The following NARS1 variants were observed in gnomAD, a reference collection of about 807,000 sequenced individuals.
NARS1 encodes asparaginyl-tRNA synthetase 1, also known as asparagine--tRNA ligase, cytoplasmic.
NARS1 carries 65 observed loss-of-function variants against 79.2 expected under a neutral mutation model. The observed-to-expected ratio is 0.82, with a 90% confidence interval of 0.67 to 1.01. The LOEUF (loss-of-function observed/expected upper bound fraction) is 1.01. NARS1 is among the 50% of genes least tolerant of loss of function. NARS1 has a pLI of 0.00. For synonymous variants in NARS1, 229 were observed against 238.8 expected (o/e 0.96, Z 0.38); for missense variants, 649 against 673.8 (o/e 0.96, Z 0.41).
Position 57,601,707 on chromosome 18 carries a change from T to C in NARS1, c.1592A>G (p.Tyr531Cys), listed in dbSNP as rs754131928. 2 of 1,613,886 alleles carry C rather than the reference T, an allele frequency of 1.2e-6. No homozygotes were observed. Among genetic ancestry groups the C allele is most frequent in the Non-Finnish European group, 1.7e-6 (2 of 1,179,728 alleles). Reference protein sequence around the residue: ...ERFLTWILNRYHIRDVCLYPR... With the variant: ...ERFLTWILNRCHIRDVCLYPR... ...GTATAAGCACACGTCTCGGATGTGA[T>C]ACCTATTCAGAATCCACGTTAAGAA... Residue 531 changes from tyrosine to cysteine, a missense_variant, in exon 14 of 14, where the codon TAT (tyrosine) becomes TGT (cysteine). Coordinates refer to ENST00000256854, the MANE Select transcript of NARS1 (RefSeq NM_004539.4).
At chr18:57,609,623 A>G (rs1336348204) in intron 6 of NARS1, among the ~76,000 whole-genome samples, 180 bp from the exon 7 acceptor site, 7 of 152,272 alleles carry the variant, frequency 4.6e-5, no homozygotes, top group Non-Finnish European at 1.0e-4. Flanking sequence ...ACAGAGGTTT[A>G]TCTATATATA....
At position 57,603,214 on chromosome 18, in the gene NARS1, A is replaced by C. The variant is rs317831; in HGVS notation, c.1252-271T>G. ...ACCATGCTGTTTGATGAAGGAAAAT[A>C]AAAAAAAAAACAAAAACAAAAGCCA... On this transcript the variant is annotated intron_variant, in intron 11 of 13. Coordinates refer to ENST00000256854, the MANE Select transcript of NARS1 (RefSeq NM_004539.4). Among the ~76,000 whole-genome samples the C allele has an allele frequency of 0.38, 55,617 of 146,204 alleles. 10,816 individuals carry two copies. The highest frequency in any genetic ancestry group is 0.65 in the East Asian group (3,334 of 5,092).
chr18:57,620,786 C>T (rs1351105437), intron 1 of NARS1, 135 bp from the exon 2 acceptor site: 6 of 494,168 alleles, frequency 1.2e-5, no homozygotes, highest in Non-Finnish European at 1.4e-5. Flanking sequence ...TAATTAATAT[C>T]CTAGTTATTT....
At position 57,601,446 on chromosome 18, in the gene NARS1, G is replaced by GA. The variant is rs2051504986; in HGVS notation, c.*205dup. ...CCCGAACTTTGTTTCCCGAACTTAAGAAAAAAATGGATATTTTTTCTTAAG... is the reference window on the plus strand; with the variant it reads ...CCCGAACTTTGTTTCCCGAACTTAAGAAAAAAAATGGATATTTTTTCTTAAG... On this transcript the variant is annotated 3_prime_UTR_variant, in exon 14 of 14. Coordinates refer to ENST00000256854, the MANE Select transcript of NARS1 (RefSeq NM_004539.4). 1 of 449,442 alleles carries GA rather than the reference G, an allele frequency of 2.2e-6. No individual in the cohort carries two copies. Among genetic ancestry groups the GA allele is most frequent in the Admixed American group, 4.0e-5 (1 of 25,134 alleles). 27.8% of individuals were successfully genotyped at this position (449,442 alleles called of 1,614,324 possible).
intron 11 of NARS1, among the ~76,000 whole-genome samples, chr18:57,604,438 G>A (rs771006754): frequency 1.3e-5 from 2 of 151,662 alleles, no homozygotes; most frequent in Non-Finnish European, 2.9e-5. Context: ...AAACAAGAGT[G>A]CTTTACATAG....
chr18:57,613,639 TA>T lies in NARS1; in HGVS notation c.383del (p.Val128GlufsTer17). ...GCCTGTGGACCCAGCCAAACACCTT[TA>T]CTCTTTGGCCTCTATATCCTTCTAA... ...GALEGYRGQR[V>X]KVFGWVHRLR... is the part of the protein sequence containing the mutation. On this transcript the variant is annotated frameshift_variant, in exon 5 of 14. Coordinates refer to ENST00000256854, the MANE Select transcript of NARS1 (RefSeq NM_004539.4). LOFTEE classifies it high-confidence loss of function. The T allele has an allele frequency of 6.2e-7, 1 of 1,614,188 alleles. No homozygotes were observed. Among genetic ancestry groups the T allele is most frequent in the South Asian group, 1.1e-5 (1 of 91,086 alleles).
chr18:57,606,790 T>C (rs1210404851), intron 9 of NARS1, 39 bp from the exon 10 acceptor site: 1 of 1,609,498 alleles, frequency 6.2e-7, no homozygotes, highest in Non-Finnish European at 8.5e-7. Flanking sequence ...GCTTTTCTCC[T>C]GCACTGGTTT....
intron 1 of NARS1, among the ~76,000 whole-genome samples, chr18:57,620,869 G>T (rs1908271101): frequency 6.6e-6 from 1 of 152,112 alleles, no homozygotes; most frequent in Non-Finnish European, 1.5e-5. Flanking sequence ...AATGAACTCT[G>T]ATCATTTTAA....
In NARS1 at chr18:57,613,669, A is replaced by G. The variant is rs541321157; in HGVS notation, c.354T>C (p.Gly118=). 6 of 1,613,712 alleles carry G rather than the reference A, an allele frequency of 3.7e-6. No homozygotes were observed. The African/African-American group carries it at 8.0e-5, about 22-fold the overall frequency. Residue 118 remains glycine, a synonymous_variant, in exon 5 of 14, where the codon GGT becomes GGC. Coordinates refer to ENST00000256854, the MANE Select transcript of NARS1 (RefSeq NM_004539.4). ...TTTGGCCTCTATATCCTTCTAACGCACCAATCTTCACCTGTCAAATTGAAA... is the reference window on the plus strand; with the variant it reads ...TTTGGCCTCTATATCCTTCTAACGCGCCAATCTTCACCTGTCAAATTGAAA... ...SLPEPKCVKI[G]ALEGYRGQRV...
In NARS1 at chr18:57,609,355, A is replaced by G. The variant is rs749706983; in HGVS notation, c.579+2T>C. On this transcript the variant is annotated splice_donor_variant, in intron 7 of 13. Transcript: ENST00000256854. LOFTEE classifies it high-confidence loss of function. ...ACCCAGTGCGAAACTCAATCCACTC[A>G]CCTGCTTGCCCTTTGGGGTAAGATT... 6.2e-7 allele frequency: 1 copy of G among 1,611,346 alleles called. No homozygotes were observed. The highest frequency in any genetic ancestry group is 1.1e-5 in the South Asian group (1 of 90,836).
At chr18:57,610,165 C>T (rs975645876) in intron 6 of NARS1, among the ~76,000 whole-genome samples, 3 of 152,162 alleles carry the variant, frequency 2.0e-5, no homozygotes, top group African/African-American at 7.2e-5. Context: ...AACACCTGAA[C>T]CCACTAGTCA....
intron 2 of NARS1, among the ~76,000 whole-genome samples, chr18:57,618,757 C>T (rs79392992): frequency 0.096 from 14,633 of 151,922 alleles, 830 homozygotes; most frequent in Non-Finnish European, 0.13. Context: ...AACAAATTAA[C>T]CGCGTGTGGT....
intron 11 of NARS1, among the ~76,000 whole-genome samples, chr18:57,605,597 C>T (rs1004477280): frequency 1.5e-5 from 2 of 129,456 alleles, no homozygotes; most frequent in Non-Finnish European, 3.1e-5. Flanking sequence ...GGCGACAGAG[C>T]GAGACTCCGT....
intron 5 of NARS1, among the ~76,000 whole-genome samples, 163 bp downstream of exon 5, chr18:57,613,438 AG>A (rs2051621513): frequency 2.0e-5 from 3 of 152,198 alleles, no homozygotes. Flanking sequence ...GGTTGCAGTG[AG>A]CCGAGATAGC....
rs906262533 is a variant in NARS1 at position 57,620,513 on chromosome 18, T to C, written c.93+56A>G. On this transcript the variant is annotated intron_variant, in intron 2 of 13. Coordinates refer to ENST00000256854, the MANE Select transcript of NARS1 (RefSeq NM_004539.4). ...AAGTTCTTGGCAAGTCACAAGAAAATTGACATAACTCATTAATAAATGCAG... is the reference window on the plus strand; with the variant it reads ...AAGTTCTTGGCAAGTCACAAGAAAACTGACATAACTCATTAATAAATGCAG... 1.1e-5 allele frequency: 14 copies of C among 1,226,736 alleles called. No homozygotes were observed. In the African/African-American group the frequency reaches 1.5e-4, roughly 13 times the overall value. The allele number at this position is 1,226,736 out of a possible 1,614,324, so 76.0% of individuals were successfully genotyped here.
chr18:57,617,920 AAAAAAAAAG>A (rs1426398041), intron 2 of NARS1, among the ~76,000 whole-genome samples: 2 of 151,054 alleles, frequency 1.3e-5, no homozygotes, highest in South Asian at 2.1e-4. Context: ...TTTTCAAAAA[AAAAAAAAAG>A]AAAAAAAAGA....
chr18:57,613,728 AC>A, intron 4 of NARS1, 48 bp from the exon 5 acceptor site: 1 of 1,484,324 alleles, frequency 6.7e-7, no homozygotes, highest in African/African-American at 1.4e-5. Context: ...TCATTTATAC[AC>A]ACCAACTTTT....
At chr18:57,605,295 G>A (rs2051544313) in intron 11 of NARS1, among the ~76,000 whole-genome samples, 1 of 151,908 alleles carries the variant, frequency 6.6e-6, no homozygotes, top group Admixed American at 6.6e-5. Flanking sequence ...GGCAAAGCAT[G>A]AGACATGAAG....
intron 10 of NARS1, among the ~76,000 whole-genome samples, chr18:57,606,379 T>A (rs559324140): frequency 1.1e-3 from 170 of 148,260 alleles, no homozygotes; most frequent in East Asian, 3.2e-3. Context: ...TATATATATA[T>A]AACTTCAGAC....
Sources: allele counts gnomAD v4.1 joint callset (sites outside exome capture counted in the v4.1 genomes callset), GRCh38; gene constraint gnomAD v4.1.1; transcripts MANE v1.5; gene names NCBI Gene and HGNC (gene_info 2026-07-23, HGNC 2026-07-21).